TMEM243: variants seen among roughly 807,000 people sequenced by gnomAD.
TMEM243 encodes the protein transmembrane protein 243.
Under a neutral mutation model 15.0 loss-of-function variants are expected in TMEM243, and 20 were observed. The ratio of observed to expected loss-of-function variants is 1.33; its 90% CI spans 0.94 to 1.93. The LOEUF is 1.93. Among genes scored for constraint, TMEM243 ranks in the 30% most tolerant of loss-of-function variants. The pLI is 0.00. For missense variants in TMEM243, 156 were observed against 142.1 expected, an observed-to-expected ratio of 1.10 and a Z score of -0.50; for synonymous variants, 72 against 52.7, an observed-to-expected ratio of 1.37 and a Z score of -1.59.
chr7:87,198,894 T>C, intron 2 of TMEM243, 113 bp downstream of exon 2: 1 of 928,610 alleles, frequency 1.1e-6, no homozygotes, highest in South Asian at 1.7e-5. Context: ...TGCAATTTTG[T>C]GGTAATAAAA....
intron 1 of TMEM243, among the ~76,000 whole-genome samples, chr7:87,200,803 C>T (rs531012761): frequency 6.6e-6 from 1 of 152,236 alleles, no homozygotes; most frequent in African/African-American, 2.4e-5. Flanking sequence ...GCCAGGCCTC[C>T]TTTCCCTATT....
At chr7:87,198,514 A>C (rs1369722848) in intron 2 of TMEM243, 1 of 168,812 alleles carries the variant, frequency 5.9e-6, no homozygotes, top group Admixed American at 5.9e-5. Flanking sequence ...ATGGAAAAAA[A>C]TTCTCTTAAA....
chr7:87,203,803 G>A (rs1395731223), intron 1 of TMEM243, among the ~76,000 whole-genome samples: 1 of 151,954 alleles, frequency 6.6e-6, no homozygotes, highest in East Asian at 1.9e-4. Context: ...AACAAATCTA[G>A]GTACACAGAA....
In TMEM243 at chr7:87,196,537, C is replaced by T. The variant is rs1322376077; in HGVS notation, c.*99G>A. 2 of 1,172,850 alleles carry T rather than the reference C, an allele frequency of 1.7e-6. No homozygotes were observed. The highest frequency in any genetic ancestry group is 1.6e-5 in the African/African-American group (1 of 62,286). 72.7% of individuals were successfully genotyped at this position (1,172,850 alleles called of 1,614,324 possible). A position where few individuals can be genotyped will look rare whatever the true frequency, so the allele number is the denominator to read the frequency against. ...ATTAACATGAAAATCATGTATCAGA[C>T]TTCTGCAGGAGATTCTTCAGCATAC... On this transcript the variant is annotated 3_prime_UTR_variant, in exon 4 of 4. Transcript: ENST00000257637.
chr7:87,204,386 T>C (rs1485546057), intron 1 of TMEM243, among the ~76,000 whole-genome samples: 1 of 152,116 alleles, frequency 6.6e-6, no homozygotes, highest in African/African-American at 2.4e-5. Flanking sequence ...TCCCCCAAAG[T>C]CTTAACTCAT....
chr7:87,208,655 G>T (rs1802398278), intron 1 of TMEM243, among the ~76,000 whole-genome samples: 1 of 152,230 alleles, frequency 6.6e-6, no homozygotes, highest in Admixed American at 6.5e-5. Flanking sequence ...GTCTGGGAAG[G>T]TAAGGACCAT....
At chr7:87,208,110 C>G (rs1802358279) in intron 1 of TMEM243, among the ~76,000 whole-genome samples, 1 of 152,192 alleles carries the variant, frequency 6.6e-6, no homozygotes, top group South Asian at 2.1e-4. Context: ...TCATCCCTGG[C>G]CCCTCCCAAA....
chr7:87,209,030 T>A (rs1319940686), intron 1 of TMEM243, among the ~76,000 whole-genome samples: 2 of 152,254 alleles, frequency 1.3e-5, no homozygotes, highest in African/African-American at 2.4e-5. Context: ...GCCTTCACTG[T>A]ATTTCCATGG....
chr7:87,210,319 C>T (rs1802653560), intron 1 of TMEM243, among the ~76,000 whole-genome samples: 1 of 152,140 alleles, frequency 6.6e-6, no homozygotes, highest in Admixed American at 6.5e-5. Flanking sequence ...AACCTCATGT[C>T]CTTCTCACAT....
intron 1 of TMEM243, among the ~76,000 whole-genome samples, chr7:87,213,243 C>G (rs908723826): frequency 6.6e-6 from 1 of 152,200 alleles, no homozygotes; most frequent in African/African-American, 2.4e-5. Flanking sequence ...GCCCCACACC[C>G]AGAGATTACA....
Position 87,196,535 on chromosome 7 carries a change from G to C in TMEM243, c.*101C>G. Reference sequence around the variant, plus strand: ...CAATTAACATGAAAATCATGTATCAGACTTCTGCAGGAGATTCTTCAGCAT... The same window carrying C: ...CAATTAACATGAAAATCATGTATCACACTTCTGCAGGAGATTCTTCAGCAT... On this transcript the variant is annotated 3_prime_UTR_variant, in exon 4 of 4. Coordinates refer to ENST00000257637, the MANE Select transcript of TMEM243 (RefSeq NM_024315.4). 1 of 1,143,972 alleles carries C rather than the reference G, an allele frequency of 8.7e-7. No individual in the cohort carries two copies. Among genetic ancestry groups the C allele is most frequent in the Non-Finnish European group, 1.3e-6 (1 of 799,740 alleles). The allele number at this position is 1,143,972 out of a possible 1,614,324, so 70.9% of individuals were successfully genotyped here.
At chr7:87,211,769 G>A (rs901304353) in intron 1 of TMEM243, among the ~76,000 whole-genome samples, 1 of 152,202 alleles carries the variant, frequency 6.6e-6, no homozygotes, top group African/African-American at 2.4e-5. Flanking sequence ...CCCTTGCACT[G>A]TCACTAGAGA....
At chr7:87,197,666 G>T in intron 3 of TMEM243, 2 of 1,222,126 alleles carry the variant, frequency 1.6e-6, no homozygotes, top group Non-Finnish European at 1.1e-6. Flanking sequence ...TAAAATCTTT[G>T]GCCACCTACG....
chr7:87,205,806 T>G (rs1339936307), intron 1 of TMEM243, among the ~76,000 whole-genome samples: 1 of 152,096 alleles, frequency 6.6e-6, no homozygotes, highest in African/African-American at 2.4e-5. Context: ...AGTGCCAAAC[T>G]TTTCCTATCT....
chr7:87,217,246 A>C (rs2129240641), intron 1 of TMEM243, among the ~76,000 whole-genome samples: 1 of 152,356 alleles, frequency 6.6e-6, no homozygotes. Flanking sequence ...GTAGTTCACT[A>C]ACAGCAAGTT....
chr7:87,209,442 T>C (rs965185862), intron 1 of TMEM243, among the ~76,000 whole-genome samples: 4 of 141,186 alleles, frequency 2.8e-5, no homozygotes, highest in Admixed American at 7.0e-5. Context: ...GAGACAGAGA[T>C]TGAGACAGTG....
Position 87,197,952 on chromosome 7 carries a change from C to CAGT in TMEM243, c.220_222dup (p.Thr74dup). 1 of 1,612,956 alleles carries CAGT rather than the reference C, an allele frequency of 6.2e-7. No individual in the cohort carries two copies. Among genetic ancestry groups the CAGT allele is most frequent in the East Asian group, 2.2e-5 (1 of 44,792 alleles). On this transcript the variant is annotated inframe_insertion, in exon 3 of 4. Transcript: ENST00000257637. ...TCAACAGTACTTACAAGTATGCAGG[C>CAGT]AGTAATACTACTCAAAGAGATGCAG...
Position 87,219,505 on chromosome 7 carries a change from T to C in TMEM243, c.-2A>G. 6.2e-7 allele frequency: 1 copy of C among 1,614,168 alleles called. No homozygotes were observed. Among genetic ancestry groups the C allele is most frequent in the East Asian group, 2.2e-5 (1 of 44,882 alleles). On this transcript the variant is annotated 5_prime_UTR_variant, in exon 1 of 4. Coordinates refer to ENST00000257637, the MANE Select transcript of TMEM243 (RefSeq NM_024315.4). ...GGTCCTGGTAGCAAAGTCCTCCATT[T>C]TGGGGTTTCTTCACTTTCCCCAAGC...
intron 1 of TMEM243, chr7:87,199,283 C>T: frequency 2.2e-6 from 1 of 452,052 alleles, no homozygotes; most frequent in Non-Finnish European, 3.9e-6. Flanking sequence ...AGGGACAGAA[C>T]ATTTATACTA....
Sources: gnomAD v4.1 joint callset for allele counts (sites outside exome capture counted in the v4.1 genomes callset) on GRCh38, gnomAD v4.1.1 for gene constraint, MANE v1.5 for transcripts, NCBI Gene and HGNC (gene_info 2026-07-23, HGNC 2026-07-21) for gene names.